FAM184A: variants seen among roughly 807,000 people sequenced by gnomAD.
The protein encoded by FAM184A is protein FAM184A.
A neutral mutation model predicts 143.8 loss-of-function variants in FAM184A; 99 were observed. That is an observed-to-expected ratio of 0.69 (90% CI 0.58 to 0.81). FAM184A has a LOEUF of 0.81. FAM184A is among the 40% of genes least tolerant of loss of function. The pLI is 0.00. For missense variants in FAM184A, 1,217 were observed against 1,310.5 expected (o/e 0.93, Z 1.10); for synonymous variants, 427 against 446.4 (o/e 0.96, Z 0.55).
chr6:119,043,399 G>A lies in FAM184A; in HGVS notation c.160-18586C>T, dbSNP rs543845926. Among the ~76,000 whole-genome samples the A allele has an allele frequency of 2.0e-5, 3 of 152,258 alleles. No homozygotes were observed. In the South Asian group the frequency reaches 6.2e-4, roughly 32 times the overall value. On this transcript the variant is annotated intron_variant, in intron 1 of 17. Coordinates refer to ENST00000338891, the MANE Select transcript of FAM184A (RefSeq NM_024581.6). ...GCAAGTGTGAGAAAATGGAACCCAG[G>A]GAAGCCACAGACACAATCAAGTTTG...
chr6:118,970,949 TA>T (rs1351041368), intron 14 of FAM184A, among the ~76,000 whole-genome samples: 1 of 151,886 alleles, frequency 6.6e-6, no homozygotes, highest in Admixed American at 6.6e-5. Flanking sequence ...AAGAAAAGGA[TA>T]AAAAAATAAA....
At chr6:119,086,908 A>G (rs1788238180) in intron 1 of FAM184A, among the ~76,000 whole-genome samples, 1 of 152,214 alleles carries the variant, frequency 6.6e-6, no homozygotes, top group African/African-American at 2.4e-5. Flanking sequence ...TGAGAGTAGG[A>G]ACAAAAAAGG....
chr6:119,063,997 AC>A (rs905968376), intron 1 of FAM184A, among the ~76,000 whole-genome samples: 1 of 151,652 alleles, frequency 6.6e-6, no homozygotes, highest in Non-Finnish European at 1.5e-5. Context: ...AATAATTTTC[AC>A]CCCCCCATAA....
rs1788693522 is a variant in FAM184A at position 119,103,313 on chromosome 6, C to T, written c.-202+45765G>A. On this transcript the variant is annotated intron_variant, in intron 1 of 16. Coordinates refer to the FAM184A transcript ENST00000352896. ...ACATTGATGAGTAGCTACATCAACC[C>T]CCCCAAATCTATTTACTGACTACTT... 3.9e-5 allele frequency among the ~76,000 whole-genome samples: 6 copies of T among 152,216 alleles called. No homozygotes were observed. The South Asian group carries it at 1.2e-3, about 32-fold the overall frequency.
At chr6:119,011,084 T>A in intron 6 of FAM184A, 1 of 396,252 alleles carries the variant, frequency 2.5e-6, no homozygotes, top group Non-Finnish European at 4.4e-6. Context: ...TCTGTTTTGC[T>A]TCTCCCCACA....
At chr6:119,054,867 T>TA (rs1786899502) in intron 1 of FAM184A, among the ~76,000 whole-genome samples, 1 of 2,634 alleles carries the variant, frequency 3.8e-4, no homozygotes, top group Non-Finnish European at 4.9e-4. Flanking sequence ...CTTGTGACAA[T>TA]TTTTTTTTAA....
At position 119,016,849 on chromosome 6, in the gene FAM184A, G is replaced by T; in HGVS notation, c.1428C>A (p.Asn476Lys). Residue 476 changes from asparagine (N) to lysine (K), a missense_variant, in exon 5 of 18, where the codon AAC becomes AAA. Physicochemically the swap from Asn to Lys is moderately conservative, Grantham distance 94 (BLOSUM62 0). Transcript: ENST00000338891. ...SRLEEEVTQLNEAHSKTLEEL... is the reference protein window; with the variant it reads ...SRLEEEVTQLKEAHSKTLEEL... ...CTTCCAAAGTCTTAGAATGGGCCTC[G>T]TTTAATTGAGTCACCTCCTCTTCCA... 1.2e-6 allele frequency: 2 copies of T among 1,613,894 alleles called. No homozygotes were observed. The highest frequency in any genetic ancestry group is 1.7e-6 in the Non-Finnish European group (2 of 1,179,840).
upstream of FAM184A, among the ~76,000 whole-genome samples, chr6:119,083,330 T>C (rs992218529): frequency 6.6e-6 from 1 of 152,260 alleles, no homozygotes; most frequent in Non-Finnish European, 1.5e-5. Context: ...CCTCTTCTTG[T>C]TACTTATGCA....
At chr6:119,063,246 C>T (rs930469536) in intron 1 of FAM184A, among the ~76,000 whole-genome samples, 5 of 152,154 alleles carry the variant, frequency 3.3e-5, no homozygotes, top group Admixed American at 3.3e-4. Context: ...AAATACATCA[C>T]ATGTTGCTGT....
intron 1 of FAM184A, among the ~76,000 whole-genome samples, chr6:119,068,172 G>A (rs1474220841): frequency 4.7e-5 from 7 of 150,408 alleles, no homozygotes; most frequent in South Asian, 2.1e-4. Flanking sequence ...TCAGCCTCCC[G>A]AGTAGCTGGG....
chr6:119,149,110 T>C (rs1282141562), exon 1 of FAM184A: 1 of 152,184 alleles, frequency 6.6e-6, no homozygotes, highest in Non-Finnish European at 1.5e-5. Flanking sequence ...CTTCTTTTGT[T>C]TTGGTCCATC....
At chr6:119,111,816 T>C (rs940947069) in intron 1 of FAM184A, among the ~76,000 whole-genome samples, 1 of 152,224 alleles carries the variant, frequency 6.6e-6, no homozygotes, top group Non-Finnish European at 1.5e-5. Context: ...GGGCAACTCA[T>C]GTTTCTCTAT....
chr6:119,003,315 A>T (rs553486904), intron 8 of FAM184A, among the ~76,000 whole-genome samples, 186 bp downstream of exon 8: 47 of 152,280 alleles, frequency 3.1e-4, no homozygotes, highest in African/African-American at 1.1e-3. Context: ...TTTTATATTC[A>T]AGGAAATGCA....
chr6:119,002,631 A>G (rs960489175), intron 9 of FAM184A, among the ~76,000 whole-genome samples: 1 of 152,170 alleles, frequency 6.6e-6, no homozygotes, highest in Non-Finnish European at 1.5e-5. Flanking sequence ...TTTCCCATTT[A>G]AAATCTTAAA....
intron 1 of FAM184A, among the ~76,000 whole-genome samples, chr6:119,135,304 A>T (rs1789633858): frequency 6.6e-6 from 1 of 152,202 alleles, no homozygotes; most frequent in African/African-American, 2.4e-5. Flanking sequence ...GTCAATACCC[A>T]ATACAGAATG....
chr6:119,040,270 G>A (rs1786276456), intron 1 of FAM184A, among the ~76,000 whole-genome samples: 1 of 152,160 alleles, frequency 6.6e-6, no homozygotes, highest in Admixed American at 6.5e-5. Flanking sequence ...GTAACTCGGG[G>A]TACCTCAGAT....
chr6:118,985,873 A>C (rs75290265), intron 9 of FAM184A, among the ~76,000 whole-genome samples: 4,679 of 152,194 alleles, frequency 0.031, 245 homozygotes, highest in African/African-American at 0.11. Context: ...GGAATAACTT[A>C]TTATTATGCC....
chr6:118,988,569 C>A (rs1327534006), intron 9 of FAM184A, among the ~76,000 whole-genome samples: 1 of 152,208 alleles, frequency 6.6e-6, no homozygotes, highest in Non-Finnish European at 1.5e-5. Flanking sequence ...CCAACACTAA[C>A]TTGACTGACC....
At chr6:118,976,167 T>A in intron 11 of FAM184A, 123 bp from the exon 12 acceptor site, 1 of 840,104 alleles carries the variant, frequency 1.2e-6, no homozygotes, top group Non-Finnish European at 1.8e-6. Flanking sequence ...TCCATTAAAT[T>A]AATAGATTAT....
Sources: allele counts gnomAD v4.1 joint callset (sites outside exome capture counted in the v4.1 genomes callset), GRCh38; gene constraint gnomAD v4.1.1; transcripts MANE v1.5; gene names NCBI Gene and HGNC (gene_info 2026-07-23, HGNC 2026-07-21).